Variants in WWOX observed in about 807,000 individuals in gnomAD.
WWOX encodes WW domain containing oxidoreductase, also known as WW domain-containing oxidoreductase.
WWOX carries 69 observed loss-of-function variants against 46.2 expected under a neutral mutation model. The ratio of observed to expected loss-of-function variants is 1.49; its 90% CI spans 1.23 to 1.82. WWOX has a LOEUF of 1.82. Among genes scored for constraint, WWOX ranks in the 40% most tolerant of loss-of-function variants. WWOX has a pLI of 0.00. For missense variants in WWOX, 919 were observed against 542.6 expected (o/e 1.69, Z -6.89); for synonymous variants, 359 against 202.6 (o/e 1.77, Z -6.56).
chr16:78,729,615 C>G (rs2048919687), intron 8 of WWOX, among the ~76,000 whole-genome samples: 1 of 152,110 alleles, frequency 6.6e-6, no homozygotes, highest in Non-Finnish European at 1.5e-5. Flanking sequence ...CTTCCAGGGC[C>G]TCTGGAGGAA....
chr16:78,678,472 G>C (rs532203209), intron 8 of WWOX, among the ~76,000 whole-genome samples: 216 of 152,306 alleles, frequency 1.4e-3, no homozygotes, highest in Admixed American at 2.6e-3. Context: ...AAACATTTGA[G>C]CACCTGTTTG....
intron 6 of WWOX, among the ~76,000 whole-genome samples, chr16:78,390,619 A>G (rs555732839): frequency 1.3e-5 from 2 of 152,330 alleles, no homozygotes; most frequent in South Asian, 4.1e-4. Flanking sequence ...AAATGCTGCC[A>G]AAGTGAAATC....
intron 8 of WWOX, among the ~76,000 whole-genome samples, chr16:79,154,568 G>A (rs1342433391): frequency 6.6e-6 from 1 of 150,866 alleles, no homozygotes; most frequent in Non-Finnish European, 1.5e-5. Context: ...CTGAAGTGAT[G>A]GGGATATTCG....
chr16:78,776,651 G>C (rs2050196851), intron 8 of WWOX, among the ~76,000 whole-genome samples: 1 of 152,130 alleles, frequency 6.6e-6, no homozygotes, highest in South Asian at 2.1e-4. Flanking sequence ...AACTGCCCGA[G>C]ATTGGGAAAT....
chr16:78,532,681 A>G (rs1476755749), intron 8 of WWOX, among the ~76,000 whole-genome samples: 1 of 152,166 alleles, frequency 6.6e-6, no homozygotes, highest in African/African-American at 2.4e-5. Context: ...AGAAGGTGAA[A>G]GGCACATCTC....
At chr16:79,117,950 G>A (rs77344316) in intron 8 of WWOX, among the ~76,000 whole-genome samples, 4,008 of 152,256 alleles carry the variant, frequency 0.026, 197 homozygotes, top group African/African-American at 0.091. Flanking sequence ...TCTTCATATG[G>A]GTGATAACGC....
chr16:78,739,562 G>A (rs978147623), intron 8 of WWOX, among the ~76,000 whole-genome samples: 5 of 152,148 alleles, frequency 3.3e-5, no homozygotes, highest in Non-Finnish European at 7.4e-5. Flanking sequence ...CTGTAATCCA[G>A]CACTTTGGGA....
At chr16:78,977,830 C>G (rs992643933) in intron 8 of WWOX, among the ~76,000 whole-genome samples, 2 of 152,186 alleles carry the variant, frequency 1.3e-5, no homozygotes, top group African/African-American at 2.4e-5. Context: ...AAGCAGCAGA[C>G]ACACATAAAA....
intron 8 of WWOX, among the ~76,000 whole-genome samples, chr16:78,546,745 G>C (rs1357083687): frequency 6.6e-6 from 1 of 152,232 alleles, no homozygotes; most frequent in East Asian, 1.9e-4. Flanking sequence ...ACCACACTTT[G>C]AGAAAGCTCC....
chr16:78,739,018 G>A (rs1452868659), intron 8 of WWOX, among the ~76,000 whole-genome samples: 1 of 152,144 alleles, frequency 6.6e-6, no homozygotes, highest in Non-Finnish European at 1.5e-5. Flanking sequence ...ACAACTAGAA[G>A]CCATGGTTTC....
At chr16:78,661,287 C>G (rs563146275) in intron 8 of WWOX, among the ~76,000 whole-genome samples, 2 of 152,178 alleles carry the variant, frequency 1.3e-5, no homozygotes, top group Non-Finnish European at 2.9e-5. Context: ...ATTGACAGGT[C>G]CCACAAGTCA....
chr16:79,142,783 T>G (rs1597413844), intron 8 of WWOX, among the ~76,000 whole-genome samples: 2 of 152,198 alleles, frequency 1.3e-5, no homozygotes, highest in South Asian at 4.1e-4. Flanking sequence ...ACTGCAGCCT[T>G]GACCTCCCAG....
At chr16:79,056,293 T>C (rs966587661) in intron 8 of WWOX, among the ~76,000 whole-genome samples, 2 of 151,474 alleles carry the variant, frequency 1.3e-5, no homozygotes, top group Admixed American at 6.6e-5. Flanking sequence ...GAGAGGAAAA[T>C]AGAACCCCTG....
At chr16:78,568,897 C>G (rs765505827) in intron 8 of WWOX, among the ~76,000 whole-genome samples, 25 of 152,292 alleles carry the variant, frequency 1.6e-4, no homozygotes, top group African/African-American at 6.0e-4. Context: ...GTAGATGCAT[C>G]TAATAATCCT....
chr16:78,491,912 T>A (rs1273676056), intron 8 of WWOX, among the ~76,000 whole-genome samples: 1 of 152,198 alleles, frequency 6.6e-6, no homozygotes, highest in Non-Finnish European at 1.5e-5. Context: ...ATTACCCTTA[T>A]CAAGATTCTG....
At chr16:78,963,271 C>A (rs2046305436) in intron 8 of WWOX, among the ~76,000 whole-genome samples, 1 of 152,058 alleles carries the variant, frequency 6.6e-6, no homozygotes, top group Non-Finnish European at 1.5e-5. Flanking sequence ...GAGTTGAAGA[C>A]CAGTCTGGGC....
At chr16:78,770,886 C>G (rs909401371) in intron 8 of WWOX, among the ~76,000 whole-genome samples, 9 of 152,328 alleles carry the variant, frequency 5.9e-5, no homozygotes, top group African/African-American at 1.9e-4. Context: ...CTAATCAGTG[C>G]TATGGGAAAA....
intron 8 of WWOX, among the ~76,000 whole-genome samples, chr16:78,741,125 C>G (rs766445005): frequency 2.0e-5 from 3 of 152,116 alleles, no homozygotes; most frequent in African/African-American, 7.2e-5. Context: ...TAGGAACTGC[C>G]TAGCGCCACT....
intron 8 of WWOX, among the ~76,000 whole-genome samples, chr16:79,128,686 C>T (rs113604555): frequency 1.3e-5 from 2 of 152,180 alleles, no homozygotes; most frequent in African/African-American, 4.8e-5. Flanking sequence ...TAACAGCATC[C>T]TACTTATTTC....
Sources: allele counts gnomAD v4.1 joint callset (sites outside exome capture counted in the v4.1 genomes callset), GRCh38; gene constraint gnomAD v4.1.1; transcripts MANE v1.5; gene names NCBI Gene and HGNC (gene_info 2026-07-23, HGNC 2026-07-21).